The following CSGALNACT1 variants were observed in gnomAD, a reference collection of about 807,000 sequenced individuals.
CSGALNACT1 encodes the protein chondroitin sulfate N-acetylgalactosaminyltransferase 1.
Under a neutral mutation model 51.0 loss-of-function variants are expected in CSGALNACT1, and 52 were observed. The ratio of observed to expected loss-of-function variants is 1.02; its 90% CI spans 0.82 to 1.29. The LOEUF is 1.29. Ranked by LOEUF, CSGALNACT1 falls within the 50% of genes most tolerant of loss-of-function variation. The pLI, the probability that CSGALNACT1 is intolerant of heterozygous loss-of-function variation, is 0.00. For synonymous variants in CSGALNACT1, 341 were observed against 254.4 expected (o/e 1.34, Z -3.24); for missense variants, 935 against 679.2 (o/e 1.38, Z -4.19).
chr8:19,457,865 G>A lies in CSGALNACT1; in HGVS notation c.851+561C>T, dbSNP rs1325342027. Reference sequence around the variant, plus strand: ...TCTCATTGAGTAGCTACAAAAATGTGGGCTTGAAACCTTCTTGGTATAATT... The same window carrying A: ...TCTCATTGAGTAGCTACAAAAATGTAGGCTTGAAACCTTCTTGGTATAATT... On this transcript the variant is annotated intron_variant, in intron 5 of 9. Transcript: ENST00000454498. The A allele has an allele frequency of 1.0e-5, 13 of 1,239,194 alleles. No homozygotes were observed. The South Asian group carries it at 1.6e-4, about 15-fold the overall frequency. The allele number at this position is 1,239,194 out of a possible 1,614,324, so 76.8% of individuals were successfully genotyped here.
In CSGALNACT1 at chr8:19,505,438, C is replaced by T. The variant is rs377493563; in HGVS notation, c.397G>A (p.Val133Met). 334 of 1,614,232 alleles carry T rather than the reference C, an allele frequency of 2.1e-4. 2 individuals are homozygous for T. In the East Asian group the frequency reaches 6.2e-3, roughly 30 times the overall value. The change falls in exon 4 of 10, where the codon GTG becomes ATG. Residue 133 changes from valine (V) to methionine (M), a missense_variant. Physicochemically the swap from Val to Met is conservative, Grantham distance 21. Coordinates refer to ENST00000454498, the Ensembl canonical transcript of CSGALNACT1. ...GTGGCCAGCTTGACGCCAGCATTCA[C>T]CTCTGCCTTGTCCACCTGCGAGTGC...
At chr8:19,649,819 CAAAAAAAAAAA>C (rs57549612) in intron 1 of CSGALNACT1, among the ~76,000 whole-genome samples, 13 of 29,400 alleles carry the variant, frequency 4.4e-4, no homozygotes, top group Admixed American at 2.9e-3. Flanking sequence ...TTCCAAGTAG[CAAAAAAAAAAA>C]AAAAAAAAAA....
exon 2 of CSGALNACT1, chr8:19,601,823 G>C (rs1248133530): frequency 2.2e-6 from 1 of 453,822 alleles, no homozygotes; most frequent in East Asian, 6.9e-5. Flanking sequence ...TGCTCCTCTG[G>C]GTCAAAATTA....
chr8:19,513,868 CCCACATGTATTCGGT>C (rs1394977633), intron 3 of CSGALNACT1, among the ~76,000 whole-genome samples: 3 of 152,132 alleles, frequency 2.0e-5, no homozygotes, highest in Admixed American at 2.0e-4. Context: ...TATAGAACCA[CCCACATGTATTCGGT>C]CCACTGACAA....
chr8:19,630,194 C>CTGTGTGTGTGTGTGTG (rs55947851), intron 1 of CSGALNACT1, among the ~76,000 whole-genome samples: 20 of 137,890 alleles, frequency 1.5e-4, no homozygotes, highest in African/African-American at 2.2e-4. Context: ...TCCCACGTCT[C>CTGTGTGTGTGTGTGTG]TGTGTGTGTG....
intron 3 of CSGALNACT1, among the ~76,000 whole-genome samples, chr8:19,561,924 T>A (rs2040824452): frequency 1.3e-5 from 2 of 151,936 alleles, no homozygotes; most frequent in Admixed American, 6.5e-5. Flanking sequence ...TATTTCAGCA[T>A]GCGGCCTGAT....
intron 1 of CSGALNACT1, among the ~76,000 whole-genome samples, chr8:19,616,694 C>CTA (rs1027048809): frequency 1.3e-4 from 20 of 152,262 alleles, no homozygotes; most frequent in African/African-American, 4.8e-4. Context: ...CTCTCTCTCT[C>CTA]TCTCGCTTCT....
intron 5 of CSGALNACT1, among the ~76,000 whole-genome samples, chr8:19,440,666 G>T (rs975522700): frequency 6.6e-6 from 1 of 152,042 alleles, no homozygotes; most frequent in African/African-American, 2.4e-5. Flanking sequence ...ACAAGACAGG[G>T]ATGCCCTCTC....
At chr8:19,548,841 A>G (rs1184075050) in intron 3 of CSGALNACT1, among the ~76,000 whole-genome samples, 41 of 152,140 alleles carry the variant, frequency 2.7e-4, no homozygotes, top group Non-Finnish European at 7.4e-5. Context: ...TTTATTTGAG[A>G]GAGGTCCTTG....
intron 8 of CSGALNACT1, among the ~76,000 whole-genome samples, chr8:19,413,733 G>A (rs987180859): frequency 1.3e-5 from 2 of 152,194 alleles, no homozygotes; most frequent in Non-Finnish European, 2.9e-5. Flanking sequence ...AAAGTCATCA[G>A]ATTTAACTGA....
chr8:19,416,615 T>C (rs573780499), intron 8 of CSGALNACT1, among the ~76,000 whole-genome samples: 2 of 152,330 alleles, frequency 1.3e-5, no homozygotes, highest in African/African-American at 4.8e-5. Context: ...ATTTTTCCTG[T>C]GCCATTTCTA....
At chr8:19,436,936 G>A (rs1202128351) in intron 6 of CSGALNACT1, among the ~76,000 whole-genome samples, 2 of 152,122 alleles carry the variant, frequency 1.3e-5, no homozygotes, top group East Asian at 3.9e-4. Flanking sequence ...ACATTACTAT[G>A]TGCACAAATT....
At chr8:19,666,783 GAA>G (rs1217897969) in intron 1 of CSGALNACT1, among the ~76,000 whole-genome samples, 10 of 14,712 alleles carry the variant, frequency 6.8e-4, no homozygotes, top group Non-Finnish European at 1.1e-3. Flanking sequence ...AAGAAAGAAA[GAA>G]AGAAAGAAAG....
At chr8:19,614,980 C>T (rs76919010) in intron 1 of CSGALNACT1, among the ~76,000 whole-genome samples, 3,452 of 152,232 alleles carry the variant, frequency 0.023, 140 homozygotes, top group African/African-American at 0.079. Context: ...GTTGAAGTAT[C>T]CAAAAGGTAA....
intron 1 of CSGALNACT1, among the ~76,000 whole-genome samples, chr8:19,624,781 C>T (rs1437779661): frequency 1.3e-5 from 2 of 151,962 alleles, no homozygotes; most frequent in African/African-American, 2.4e-5. Flanking sequence ...CGGGTTCAAG[C>T]GATTCTCCTG....
intron 1 of CSGALNACT1, among the ~76,000 whole-genome samples, chr8:19,681,607 A>G (rs771855074): frequency 1.3e-5 from 2 of 152,218 alleles, no homozygotes; most frequent in Non-Finnish European, 2.9e-5. Flanking sequence ...AGACATTTCT[A>G]AAACCATAAT....
intron 3 of CSGALNACT1, among the ~76,000 whole-genome samples, chr8:19,514,271 C>G (rs2079045574): frequency 6.6e-6 from 1 of 151,696 alleles, no homozygotes; most frequent in Admixed American, 6.6e-5. Context: ...CCCTGACCCC[C>G]TCCAGCCCTG....
chr8:19,466,470 G>T (rs1487976222), intron 4 of CSGALNACT1, among the ~76,000 whole-genome samples: 1 of 152,106 alleles, frequency 6.6e-6, no homozygotes, highest in Non-Finnish European at 1.5e-5. Context: ...TTCAAAAAAG[G>T]AACCGGTAAA....
chr8:19,600,484 T>C (rs929616213), intron 2 of CSGALNACT1, among the ~76,000 whole-genome samples: 1 of 152,194 alleles, frequency 6.6e-6, no homozygotes, highest in Non-Finnish European at 1.5e-5. Context: ...CTCTCTTTTG[T>C]ATCATCCAAG....
Sources: allele counts gnomAD v4.1 joint callset (sites outside exome capture counted in the v4.1 genomes callset), GRCh38; gene constraint gnomAD v4.1.1; transcripts MANE v1.5; gene names NCBI Gene and HGNC (gene_info 2026-07-23, HGNC 2026-07-21).